Variants in SLC35D4 observed in about 807,000 individuals in gnomAD.
The protein encoded by SLC35D4 is UDP-N-acetylglucosamine transporter SLC35D4.
the SLC35D4 span, among the ~76,000 whole-genome samples, chr18:23,371,974 C>T: frequency 1.8e-4 from 17 of 92,250 alleles, no homozygotes; most frequent in African/African-American, 5.4e-4. Context: ...CTCGCTCTGT[C>T]GCCCAGGCTG....
At chr18:23,379,447 T>A in the SLC35D4 span, among the ~76,000 whole-genome samples, 2 of 152,220 alleles carry the variant, frequency 1.3e-5, no homozygotes, top group Admixed American at 1.3e-4. Context: ...GAGCTAAATG[T>A]AACCAAAACC....
the SLC35D4 span, among the ~76,000 whole-genome samples, chr18:23,350,390 T>C: frequency 2.6e-5 from 4 of 152,220 alleles, no homozygotes; most frequent in Non-Finnish European, 5.9e-5. Flanking sequence ...TGACTCTGTG[T>C]GCGGGCTGGG....
the SLC35D4 span, among the ~76,000 whole-genome samples, chr18:23,423,477 A>C: frequency 6.6e-6 from 1 of 152,232 alleles, no homozygotes; most frequent in Non-Finnish European, 1.5e-5. Context: ...GAATCTAGCC[A>C]GTAGAAGCCA....
the SLC35D4 span, among the ~76,000 whole-genome samples, chr18:23,335,473 C>CTA: frequency 6.6e-6 from 1 of 152,192 alleles, no homozygotes; most frequent in African/African-American, 2.4e-5. Flanking sequence ...TCTTTGCTAA[C>CTA]TACCCTATGT....
At chr18:23,412,626 T>C in the SLC35D4 span, among the ~76,000 whole-genome samples, 1 of 152,196 alleles carries the variant, frequency 6.6e-6, no homozygotes, top group East Asian at 1.9e-4. Flanking sequence ...CTTGACGAAG[T>C]CCAGCCCTAA....
the SLC35D4 span, among the ~76,000 whole-genome samples, chr18:23,417,575 G>A: frequency 1.3e-5 from 2 of 152,060 alleles, no homozygotes; most frequent in Non-Finnish European, 2.9e-5. Context: ...TTGGAATGAT[G>A]AAAAAGTTCT....
At chr18:23,252,648 C>T in the SLC35D4 span, among the ~76,000 whole-genome samples, 1 of 152,180 alleles carries the variant, frequency 6.6e-6, no homozygotes, top group Non-Finnish European at 1.5e-5. Context: ...AGCCCCATAC[C>T]GTGTGAACAG....
the SLC35D4 span, among the ~76,000 whole-genome samples, chr18:23,269,199 C>A: frequency 6.6e-6 from 1 of 152,160 alleles, no homozygotes; most frequent in East Asian, 1.9e-4. Flanking sequence ...CCATAATCCC[C>A]ATGTGACATG....
At chr18:23,313,113 C>T in the SLC35D4 span, among the ~76,000 whole-genome samples, 390 of 89,846 alleles carry the variant, frequency 4.3e-3, 1 homozygote, top group Middle Eastern at 0.027. Context: ...TGTGACAGAG[C>T]GAGACTACAT....
the SLC35D4 span, among the ~76,000 whole-genome samples, chr18:23,336,720 A>C: frequency 6.6e-6 from 1 of 152,236 alleles, no homozygotes; most frequent in Non-Finnish European, 1.5e-5. Context: ...TCAGCAGCTA[A>C]GATGGGAAGA....
chr18:23,417,867 G>A, the SLC35D4 span, among the ~76,000 whole-genome samples: 1 of 152,126 alleles, frequency 6.6e-6, no homozygotes, highest in Non-Finnish European at 1.5e-5. Context: ...TGCACCAGTG[G>A]TCCCCAGGCT....
At chr18:23,277,032 T>C in the SLC35D4 span, among the ~76,000 whole-genome samples, 1 of 152,222 alleles carries the variant, frequency 6.6e-6, no homozygotes, top group Non-Finnish European at 1.5e-5. Context: ...TAATAGCCAT[T>C]TCTTTTTTCT....
chr18:23,297,877 C>G, the SLC35D4 span: 1 of 1,080,440 alleles, frequency 9.3e-7, no homozygotes, highest in South Asian at 1.4e-5. Context: ...CACTGCCCAC[C>G]TGGCCTCACT....
chr18:23,298,897 A>G, the SLC35D4 span, among the ~76,000 whole-genome samples: 1 of 152,082 alleles, frequency 6.6e-6, no homozygotes, highest in African/African-American at 2.4e-5. Flanking sequence ...CCAGCCCTTC[A>G]TACGCTCACC....
chr18:23,390,953 C>T, the SLC35D4 span, among the ~76,000 whole-genome samples: 4 of 152,144 alleles, frequency 2.6e-5, no homozygotes, highest in Admixed American at 2.6e-4. Context: ...AGGCCGGGTG[C>T]AGTGGCTCAT....
chr18:23,361,866 AT>A, the SLC35D4 span, among the ~76,000 whole-genome samples: 2 of 152,150 alleles, frequency 1.3e-5, no homozygotes, highest in East Asian at 3.8e-4. Context: ...CCCCCAATAC[AT>A]TTTCTTATTG....
the SLC35D4 span, among the ~76,000 whole-genome samples, chr18:23,279,228 A>C: frequency 1.1e-4 from 17 of 152,244 alleles, no homozygotes; most frequent in African/African-American, 4.1e-4. Flanking sequence ...CCAGGTGAGA[A>C]GCAGGAAGAA....
the SLC35D4 span, among the ~76,000 whole-genome samples, chr18:23,333,933 T>C: frequency 1.3e-5 from 2 of 152,226 alleles, no homozygotes; most frequent in African/African-American, 4.8e-5. Context: ...CCAACTCTTT[T>C]GCAATTCAAA....
At chr18:23,296,420 C>T in the SLC35D4 span, 1 of 152,200 alleles carries the variant, frequency 6.6e-6, no homozygotes, top group Non-Finnish European at 1.5e-5. Flanking sequence ...ATTCTCCTAC[C>T]TCAGCCTCCT....
Sources: allele counts gnomAD v4.1 joint callset (sites outside exome capture counted in the v4.1 genomes callset), GRCh38; gene constraint gnomAD v4.1.1; transcripts MANE v1.5; gene names NCBI Gene and HGNC (gene_info 2026-07-23, HGNC 2026-07-21).